The following SRBD1 variants were observed in gnomAD, a reference collection of about 807,000 sequenced individuals.
The protein encoded by SRBD1 is S1 RNA binding domain 1, also known as S1 RNA-binding domain-containing protein 1.
Under a neutral mutation model 115.3 loss-of-function variants are expected in SRBD1, and 88 were observed. The observed-to-expected ratio is 0.76, with a 90% CI of 0.64 to 0.91. The LOEUF (loss-of-function observed/expected upper bound fraction) is 0.91. Among genes scored for constraint, SRBD1 ranks in the 40% least tolerant of loss-of-function variants. The pLI, the probability that SRBD1 is intolerant of heterozygous loss-of-function variation, is 0.00. For missense variants in SRBD1, 1,385 were observed against 1,177.4 expected (o/e 1.18, Z -2.58); for synonymous variants, 509 against 407.7 (o/e 1.25, Z -2.99).
intron 7 of SRBD1, among the ~76,000 whole-genome samples, chr2:45,579,550 C>T (rs998645949): frequency 3.3e-5 from 5 of 151,670 alleles, no homozygotes; most frequent in South Asian, 4.2e-4. Context: ...TCAAGGGATG[C>T]CATAAAGAAA....
chr2:45,413,081 T>A (rs112796644), intron 19 of SRBD1, 33 bp downstream of exon 19: 1 of 1,594,748 alleles, frequency 6.3e-7, no homozygotes, highest in Non-Finnish European at 8.5e-7. Flanking sequence ...TCACTCTGCA[T>A]ATGGAGAATT....
chr2:45,540,773 G>C (rs1271119246), intron 14 of SRBD1, among the ~76,000 whole-genome samples: 1 of 152,182 alleles, frequency 6.6e-6, no homozygotes, highest in African/African-American at 2.4e-5. Flanking sequence ...AGATGCTCAT[G>C]ATCATTAATC....
chr2:45,514,462 G>GA (rs1040836272), intron 14 of SRBD1, among the ~76,000 whole-genome samples: 3 of 148,648 alleles, frequency 2.0e-5, no homozygotes, highest in African/African-American at 4.9e-5. Context: ...TATGAAAAGG[G>GA]AAAAAAACGA....
Position 45,389,181 on chromosome 2 carries a change from T to A in SRBD1, c.*129A>T. Reference sequence around the variant, plus strand: ...CAGAAGAAAAAATAAAGGAAAGTGTTTGGAAAATATTTCTGATATTAAGTG... The same window carrying A: ...CAGAAGAAAAAATAAAGGAAAGTGTATGGAAAATATTTCTGATATTAAGTG... On this transcript the variant is annotated 3_prime_UTR_variant, in exon 21 of 21. Coordinates refer to ENST00000263736, the MANE Select transcript of SRBD1 (RefSeq NM_018079.5). The A allele has an allele frequency of 2.7e-6, 3 of 1,122,278 alleles. No individual in the cohort carries two copies. The highest frequency in any genetic ancestry group is 3.7e-6 in the Non-Finnish European group (3 of 802,736). 69.5% of individuals were successfully genotyped at this position (1,122,278 alleles called of 1,614,324 possible).
chr2:45,401,570 A>G (rs929477504), intron 19 of SRBD1, among the ~76,000 whole-genome samples: 1 of 152,204 alleles, frequency 6.6e-6, no homozygotes, highest in Non-Finnish European at 1.5e-5. Flanking sequence ...AGGTCTGTTT[A>G]CCTAATCATC....
intron 14 of SRBD1, among the ~76,000 whole-genome samples, chr2:45,499,054 T>C (rs771441133): frequency 2.3e-4 from 35 of 152,302 alleles, no homozygotes; most frequent in Middle Eastern, 6.8e-3. Flanking sequence ...ATTTTTAGTT[T>C]TTTTTAGGGA....
intron 6 of SRBD1, among the ~76,000 whole-genome samples, chr2:45,580,313 G>A (rs918406385): frequency 1.3e-5 from 2 of 152,020 alleles, no homozygotes; most frequent in Admixed American, 6.6e-5. Context: ...CTTTAAAAGT[G>A]TTCTACACAT....
chr2:45,553,983 G>T (rs1232387002), intron 10 of SRBD1, among the ~76,000 whole-genome samples: 1 of 152,028 alleles, frequency 6.6e-6, no homozygotes, highest in Non-Finnish European at 1.5e-5. Flanking sequence ...TTCAGTAAAG[G>T]GTCTCCAAAG....
At chr2:45,553,217 T>C (rs749643057) in intron 11 of SRBD1, among the ~76,000 whole-genome samples, 28 of 152,198 alleles carry the variant, frequency 1.8e-4, no homozygotes, top group Admixed American at 3.9e-4. Context: ...AATAATCTCC[T>C]AATATTTATC....
At chr2:45,517,932 T>C (rs971113829) in intron 14 of SRBD1, among the ~76,000 whole-genome samples, 1 of 151,826 alleles carries the variant, frequency 6.6e-6, no homozygotes, top group African/African-American at 2.4e-5. Context: ...GCCTGGGAGG[T>C]TGAGACTGCA....
At chr2:45,526,911 A>G (rs2103971022) in intron 14 of SRBD1, among the ~76,000 whole-genome samples, 1 of 152,006 alleles carries the variant, frequency 6.6e-6, no homozygotes, top group Admixed American at 6.6e-5. Context: ...GGGGAAGACA[A>G]GAGATGTGAA....
chr2:45,418,471 T>G lies in SRBD1; in HGVS notation c.2227A>C (p.Ile743Leu). 6.2e-7 allele frequency: 1 copy of G among 1,613,894 alleles called. No individual in the cohort carries two copies. Among genetic ancestry groups the G allele is most frequent in the Middle Eastern group, 1.6e-4 (1 of 6,062 alleles). Residue 743 changes from isoleucine (I) to leucine (L), a missense_variant, in exon 18 of 21, where the codon ATC (isoleucine) becomes CTC (leucine). Ile to Leu is a conservative substitution (Grantham distance 5). Coordinates refer to ENST00000263736, the MANE Select transcript of SRBD1 (RefSeq NM_018079.5). The stretch of plus-strand genomic sequence containing the variant: ...ACTTTCTTCAGCTGTTCTCGGTTGA[T>G]AAAGGGTCCATTTTTCTCTCGCCAT... Reference protein sequence around the residue: ...IEWREKNGPFINREQLKKVKG... With the variant: ...IEWREKNGPFLNREQLKKVKG...
chr2:45,605,574 C>G, intron 1 of SRBD1, 133 bp from the exon 2 acceptor site: 1 of 825,444 alleles, frequency 1.2e-6, no homozygotes, highest in Non-Finnish European at 1.9e-6. Flanking sequence ...TTCACAAGCC[C>G]AAACATCAGT....
chr2:45,402,417 G>A (rs1667315890), intron 19 of SRBD1, among the ~76,000 whole-genome samples: 1 of 152,090 alleles, frequency 6.6e-6, no homozygotes. Context: ...GATTGTAAGG[G>A]TCACAAATAA....
intron 10 of SRBD1, among the ~76,000 whole-genome samples, chr2:45,561,481 G>C (rs1672662540): frequency 6.6e-6 from 1 of 152,182 alleles, no homozygotes; most frequent in Non-Finnish European, 1.5e-5. Context: ...CAAAATCCAT[G>C]ATACTTATTT....
chr2:45,521,742 G>A (rs182186123), intron 14 of SRBD1, among the ~76,000 whole-genome samples: 4 of 151,662 alleles, frequency 2.6e-5, no homozygotes, highest in Admixed American at 6.6e-5. Flanking sequence ...CAAAGTGGGA[G>A]GATCACTTGA....
At chr2:45,594,620 A>C (rs1673836054) in intron 4 of SRBD1, among the ~76,000 whole-genome samples, 2 of 152,216 alleles carry the variant, frequency 1.3e-5, no homozygotes, top group South Asian at 4.1e-4. Flanking sequence ...CCAACCCCGG[A>C]TCAGGAAATA....
intron 17 of SRBD1, 144 bp from the exon 18 acceptor site, chr2:45,418,685 A>AC: frequency 2.7e-6 from 2 of 752,648 alleles, no homozygotes; most frequent in Non-Finnish European, 3.8e-6. Context: ...TTAAAAAAAA[A>AC]AACAAAAAAA....
At chr2:45,519,438 G>A (rs1214011877) in intron 14 of SRBD1, among the ~76,000 whole-genome samples, 1 of 152,138 alleles carries the variant, frequency 6.6e-6, no homozygotes, top group Non-Finnish European at 1.5e-5. Context: ...GCCTGTTAAC[G>A]CTTACAAGGA....
Sources: gnomAD v4.1 joint callset for allele counts (sites outside exome capture counted in the v4.1 genomes callset) on GRCh38, gnomAD v4.1.1 for gene constraint, MANE v1.5 for transcripts, NCBI Gene and HGNC (gene_info 2026-07-23, HGNC 2026-07-21) for gene names.